RIN2: variants seen among roughly 807,000 people sequenced by gnomAD.
The protein encoded by RIN2 is Ras and Rab interactor 2.
RIN2 carries 36 observed loss-of-function variants against 78.0 expected under a neutral mutation model. That is an observed-to-expected ratio of 0.46 (90% CI 0.35 to 0.61). RIN2 has a LOEUF of 0.61. Among genes scored for constraint, RIN2 ranks in the 20% least tolerant of loss-of-function variants. The pLI, the probability that RIN2 is intolerant of heterozygous loss-of-function variation, is 0.00. For missense variants in RIN2, 1,087 were observed against 1,159.7 expected, an observed-to-expected ratio of 0.94 and a Z score of 0.91; for synonymous variants, 466 against 466.8, an observed-to-expected ratio of 1.00 and a Z score of 0.02.
intron 4 of RIN2, among the ~76,000 whole-genome samples, chr20:19,946,177 C>T (rs2041081923): frequency 6.6e-6 from 1 of 152,120 alleles, no homozygotes; most frequent in South Asian, 2.1e-4. Flanking sequence ...GGGGATGAGG[C>T]CAGGCTAGTA....
intron 7 of RIN2, 84 bp from the exon 8 acceptor site, chr20:19,970,754 T>C (rs752320491): frequency 1.3e-5 from 15 of 1,115,746 alleles, no homozygotes; most frequent in Non-Finnish European, 2.0e-5. Flanking sequence ...CAGTTTAAGC[T>C]AAAACATCTC....
At chr20:19,789,461 A>C (rs2034817547) in intron 1 of RIN2, among the ~76,000 whole-genome samples, 1 of 152,164 alleles carries the variant, frequency 6.6e-6, no homozygotes, top group South Asian at 2.1e-4. Context: ...TTGTTATGTG[A>C]CACTCTTAAT....
At chr20:19,970,337 T>A (rs929514427) in intron 7 of RIN2, among the ~76,000 whole-genome samples, 9 of 152,196 alleles carry the variant, frequency 5.9e-5, no homozygotes, top group African/African-American at 1.9e-4. Context: ...CCAAGGCCAA[T>A]GTGTGGGCTG....
At chr20:19,841,060 T>C (rs2036561207) in intron 2 of RIN2, among the ~76,000 whole-genome samples, 1 of 152,072 alleles carries the variant, frequency 6.6e-6, no homozygotes, top group Admixed American at 6.5e-5. Flanking sequence ...CCTCGTTAAC[T>C]ACCCGGCAAG....
intron 2 of RIN2, among the ~76,000 whole-genome samples, chr20:19,876,909 AAAAAC>A (rs1251600070): frequency 9.2e-5 from 14 of 151,618 alleles, no homozygotes; most frequent in South Asian, 2.1e-4. Context: ...CTCAAAAAAA[AAAAAC>A]AAAAAACAAA....
intron 9 of RIN2, among the ~76,000 whole-genome samples, chr20:19,977,991 A>C (rs2042334117): frequency 6.6e-6 from 1 of 152,144 alleles, no homozygotes; most frequent in Admixed American, 6.5e-5. Flanking sequence ...AGCAGAGGTC[A>C]ACCTGAGAAA....
intron 2 of RIN2, among the ~76,000 whole-genome samples, chr20:19,840,543 G>C (rs1277216075): frequency 6.6e-6 from 1 of 152,278 alleles, no homozygotes; most frequent in African/African-American, 2.4e-5. Flanking sequence ...TATCATTGTT[G>C]ACATAGCCTG....
chr20:19,811,097 T>A (rs2035585915), intron 2 of RIN2, among the ~76,000 whole-genome samples: 1 of 151,858 alleles, frequency 6.6e-6, no homozygotes, highest in African/African-American at 2.4e-5. Context: ...TATAAACCAA[T>A]TAGTAACTGT....
intron 1 of RIN2, among the ~76,000 whole-genome samples, chr20:19,792,974 G>T (rs2034936423): frequency 7.1e-6 from 1 of 141,124 alleles, no homozygotes; most frequent in Non-Finnish European, 1.6e-5. Context: ...TGTGTGTCTG[G>T]TGTGTTCAGA....
chr20:19,940,391 T>A (rs1015854594), intron 4 of RIN2, among the ~76,000 whole-genome samples: 6 of 152,142 alleles, frequency 3.9e-5, no homozygotes, highest in African/African-American at 1.4e-4. Context: ...AAATAAAAAG[T>A]TGAAAATGTG....
chr20:19,971,851 C>T (rs1349923191), intron 8 of RIN2, among the ~76,000 whole-genome samples: 1 of 148,932 alleles, frequency 6.7e-6, no homozygotes, highest in Non-Finnish European at 1.5e-5. Flanking sequence ...AAGCGATCCT[C>T]CCACCTTAGC....
chr20:19,993,843 ATTC>A (rs1475954727), intron 11 of RIN2, among the ~76,000 whole-genome samples: 1 of 152,186 alleles, frequency 6.6e-6, no homozygotes, highest in Non-Finnish European at 1.5e-5. Flanking sequence ...GGGTTTGGTT[ATTC>A]TTTTTCGAGC....
At chr20:19,778,582 C>A (rs1292745690) in intron 1 of RIN2, among the ~76,000 whole-genome samples, 1 of 152,198 alleles carries the variant, frequency 6.6e-6, no homozygotes, top group Non-Finnish European at 1.5e-5. Flanking sequence ...ACCAGAAGTG[C>A]TGACTGCAAA....
Position 19,987,701 on chromosome 20 carries a change from A to G in RIN2, c.1763-2305A>G, listed in dbSNP as rs115315282. Among the ~76,000 whole-genome samples, 840 of 152,336 alleles carry G rather than the reference A, an allele frequency of 5.5e-3. 8 individuals are homozygous for G. The highest frequency in any genetic ancestry group is 0.019 in the African/African-American group (777 of 41,576). ...ATAATGATGATATAAGGTAAAGTCA[A>G]AGATGCTATGAAGTTGCACGAGCTT... On this transcript the variant is annotated intron_variant, in intron 9 of 12. Transcript: ENST00000255006.
Position 19,888,542 on chromosome 20 carries a change from C to G in RIN2, c.-36-1024C>G, listed in dbSNP as rs1479133284. On this transcript the variant is annotated intron_variant, in intron 2 of 12. Coordinates refer to ENST00000255006, the MANE Select transcript of RIN2 (RefSeq NM_018993.4). ...CCTACCCACCCCTGCAGCTGAACCA[C>G]TTTGAATATTCCTTGATGGTGCAAG... is the stretch of plus-strand genomic sequence containing the variant. 2.6e-5 allele frequency among the ~76,000 whole-genome samples: 4 copies of G among 152,248 alleles called. No individual in the cohort carries two copies. In the East Asian group the frequency reaches 5.8e-4, roughly 22 times the overall value.
intron 2 of RIN2, among the ~76,000 whole-genome samples, chr20:19,812,826 C>A (rs563458969): frequency 6.6e-6 from 1 of 152,200 alleles, no homozygotes; most frequent in Non-Finnish European, 1.5e-5. Context: ...TACTTTTTGT[C>A]TGTGAATAGG....
At position 19,990,215 on chromosome 20, in the gene RIN2, T is replaced by C; in HGVS notation, c.1972T>C (p.Phe658Leu). ...FVDVEKIKVK[F>L]MTMQKMYSPE... ...GGATGTGGAGAAAATCAAAGTCAAGTTCATGACCATGCAGAAGATGTATTC... is the reference window on the plus strand; with the variant it reads ...GGATGTGGAGAAAATCAAAGTCAAGCTCATGACCATGCAGAAGATGTATTC... Residue 658 changes from phenylalanine (F) to leucine (L), a missense_variant, in exon 10 of 13, where the codon TTC (phenylalanine) becomes CTC (leucine). Around this residue, in one of 8 missense-constraint regions of RIN2, gnomAD observed 97 missense variants for 104.8 expected, o/e 0.93. Coordinates refer to ENST00000255006, the MANE Select transcript of RIN2 (RefSeq NM_018993.4). 3 of 1,612,424 alleles carry C rather than the reference T, an allele frequency of 1.9e-6. No homozygotes were observed. Among genetic ancestry groups the C allele is most frequent in the Non-Finnish European group, 2.5e-6 (3 of 1,179,370 alleles).
chr20:19,861,882 ATGATCACCCTCCATATG>A (rs1186738342), intron 2 of RIN2, among the ~76,000 whole-genome samples: 5 of 149,408 alleles, frequency 3.3e-5, no homozygotes, highest in Middle Eastern at 4.0e-3. Context: ...TCCATACCTG[ATGATCACCCTCCATATG>A]TGATCACCCT....
At chr20:19,983,591 A>T (rs1425949720) in intron 9 of RIN2, among the ~76,000 whole-genome samples, 1 of 139,168 alleles carries the variant, frequency 7.2e-6, no homozygotes, top group Non-Finnish European at 1.7e-5. Context: ...TATTTCTACT[A>T]CTTTACCTTT....
Sources: gnomAD v4.1 joint callset for allele counts (sites outside exome capture counted in the v4.1 genomes callset) on GRCh38, gnomAD v4.1.1 for gene constraint, gnomAD v4.1.1 regional missense constraint, MANE v1.5 for transcripts, NCBI Gene and HGNC (gene_info 2026-07-23, HGNC 2026-07-21) for gene names.